SUMF1: variants seen among roughly 807,000 people sequenced by gnomAD.
SUMF1 encodes formylglycine-generating enzyme.
In SUMF1, 48 loss-of-function variants were observed where a neutral mutation model predicts 47.6. The observed-to-expected ratio is 1.01, with a 90% CI of 0.80 to 1.28. The LOEUF (loss-of-function observed/expected upper bound fraction) is 1.28. Ranked by LOEUF, SUMF1 falls within the 50% of genes most tolerant of loss-of-function variation. The pLI, the probability that SUMF1 is intolerant of heterozygous loss-of-function variation, is 0.00. For synonymous variants in SUMF1, 230 were observed against 192.1 expected, an observed-to-expected ratio of 1.20 and a Z score of -1.63; for missense variants, 571 against 485.4, an observed-to-expected ratio of 1.18 and a Z score of -1.66.
At position 4,277,583 on chromosome 3, in the gene SUMF1, C is replaced by G. The variant is rs147448797; in HGVS notation, c.1014+98747G>C. 3.4e-4 allele frequency among the ~76,000 whole-genome samples: 51 copies of G among 152,096 alleles called. No homozygotes were observed. The East Asian group carries it at 9.8e-3, about 29-fold the overall frequency. ...GCAAATTAGTGAGGGAAAATAGACA[C>G]AGTAGGACCTTGAATTAAACTCAAA... On this transcript the variant is annotated intron_variant and NMD_transcript_variant, in intron 8 of 12. Coordinates refer to the SUMF1 transcript ENST00000448413.
chr3:4,391,576 G>A (rs1700864805), intron 7 of SUMF1, among the ~76,000 whole-genome samples: 1 of 151,958 alleles, frequency 6.6e-6, no homozygotes, highest in African/African-American at 2.4e-5. Context: ...TTGACTTCGT[G>A]GGCCCAGGAG....
chr3:4,354,517 T>A (rs896437430), intron 8 of SUMF1, among the ~76,000 whole-genome samples: 8 of 152,186 alleles, frequency 5.3e-5, no homozygotes, highest in Non-Finnish European at 1.5e-5. Context: ...GATAACCAGG[T>A]CTCACTTTCC....
chr3:4,109,404 T>C (rs1051085771), intron 8 of SUMF1, among the ~76,000 whole-genome samples: 5 of 152,124 alleles, frequency 3.3e-5, no homozygotes, highest in African/African-American at 1.2e-4. Context: ...TTATGTGTCT[T>C]GGAGTTGCTC....
At chr3:4,401,006 A>C (rs1307686446) in intron 7 of SUMF1, among the ~76,000 whole-genome samples, 1 of 114,966 alleles carries the variant, frequency 8.7e-6, no homozygotes, top group African/African-American at 3.4e-5. Context: ...GATGTTCCTC[A>C]CCCGGTGTCC....
intron 8 of SUMF1, among the ~76,000 whole-genome samples, chr3:4,142,024 C>G (rs1219688258): frequency 6.6e-6 from 1 of 152,086 alleles, no homozygotes; most frequent in Non-Finnish European, 1.5e-5. Context: ...ATGTTTATAA[C>G]TGTGTGCATG....
chr3:4,348,635 C>T (rs9841538), intron 8 of SUMF1, among the ~76,000 whole-genome samples: 28,693 of 151,466 alleles, frequency 0.19, 2,850 homozygotes, highest in African/African-American at 0.26. Flanking sequence ...GAGGCTGAGG[C>T]GGGTTGACCA....
At chr3:4,071,885 A>C (rs1695535507) in intron 8 of SUMF1, among the ~76,000 whole-genome samples, 1 of 152,250 alleles carries the variant, frequency 6.6e-6, no homozygotes, top group Non-Finnish European at 1.5e-5. Context: ...AGACTTAAAC[A>C]TCCCTGCCTC....
chr3:4,302,889 A>G (rs1459193755), intron 8 of SUMF1, among the ~76,000 whole-genome samples: 1 of 152,176 alleles, frequency 6.6e-6, no homozygotes, highest in Non-Finnish European at 1.5e-5. Flanking sequence ...GGGAGTGAGC[A>G]TGCCCCCACA....
chr3:4,445,968 C>G lies in SUMF1; in HGVS notation c.519+3298G>C, dbSNP rs367558092. ...ATGAAATATTTAATCAAAAAATACT[C>G]TAATTGGTCACCTTTGAAGAACAGT... On this transcript the variant is annotated intron_variant, in intron 3 of 8. Transcript: ENST00000272902. Among the ~76,000 whole-genome samples the G allele has an allele frequency of 1.5e-3, 233 of 152,296 alleles. 1 individual carries two copies. Among genetic ancestry groups the G allele is most frequent in the African/African-American group, 5.4e-3 (224 of 41,560 alleles).
At position 4,213,028 on chromosome 3, in the gene SUMF1, C is replaced by T. The variant is rs933369447; in HGVS notation, c.1015-144283G>A. 2.2e-4 allele frequency among the ~76,000 whole-genome samples: 33 copies of T among 152,232 alleles called. 1 individual carries two copies. Among genetic ancestry groups the T allele is most frequent in the African/African-American group, 7.5e-4 (31 of 41,538 alleles). On this transcript the variant is annotated intron_variant and NMD_transcript_variant, in intron 8 of 12. Coordinates refer to the SUMF1 transcript ENST00000448413. ...GGAGAACTTCCCCAACCCAGCAAGA[C>T]AGGCCAACATTCAAATTCAGGAAAT... is the stretch of plus-strand genomic sequence containing the variant.
intron 8 of SUMF1, among the ~76,000 whole-genome samples, chr3:4,112,680 A>C (rs755395853): frequency 6.6e-5 from 10 of 152,122 alleles, no homozygotes; most frequent in Non-Finnish European, 1.2e-4. Context: ...TGAGGAAAGA[A>C]AGGGGCAAGG....
At chr3:4,306,207 T>C (rs1698183130) in intron 8 of SUMF1, among the ~76,000 whole-genome samples, 1 of 152,222 alleles carries the variant, frequency 6.6e-6, no homozygotes, top group African/African-American at 2.4e-5. Flanking sequence ...TATTTTTCTT[T>C]GCCATATCCA....
intron 8 of SUMF1, among the ~76,000 whole-genome samples, chr3:4,290,616 T>G (rs1208176347): frequency 1.3e-5 from 2 of 152,190 alleles, no homozygotes; most frequent in African/African-American, 2.4e-5. Flanking sequence ...TACCCGCTCC[T>G]CAAAATACAG....
intron 8 of SUMF1, among the ~76,000 whole-genome samples, chr3:4,374,685 ACT>A: frequency 6.6e-6 from 1 of 152,180 alleles, no homozygotes. Flanking sequence ...TTGAGATACT[ACT>A]GTACAAAGAG....
rs1303158593 is a variant in SUMF1, at chr3:4,185,801, A to G, written c.1015-117056T>C. 2.0e-5 allele frequency among the ~76,000 whole-genome samples: 3 copies of G among 152,328 alleles called. No homozygotes were observed. The East Asian group carries it at 5.8e-4, about 29-fold the overall frequency. On this transcript the variant is annotated intron_variant and NMD_transcript_variant, in intron 8 of 12. Transcript: ENST00000448413. ...CATGGGTAACTGCAGACACATGTGA[A>G]TTACTGGAATGATAGATAATACTGG...
chr3:4,286,000 T>A (rs58248445), intron 8 of SUMF1, among the ~76,000 whole-genome samples: 10,952 of 152,154 alleles, frequency 0.072, 931 homozygotes, highest in African/African-American at 0.2. Flanking sequence ...CTTGCAGAAA[T>A]ATCCACCTGT....
intron 8 of SUMF1, among the ~76,000 whole-genome samples, chr3:4,290,063 C>G (rs1697709890): frequency 1.3e-5 from 2 of 152,320 alleles, no homozygotes; most frequent in Middle Eastern, 3.4e-3. Context: ...GCCATTCAAT[C>G]TGGTGAATGA....
chr3:4,070,319 A>C lies in SUMF1; in HGVS notation c.1015-1574T>G, dbSNP rs529371553. 1.2e-4 allele frequency among the ~76,000 whole-genome samples: 18 copies of C among 152,274 alleles called. No individual in the cohort carries two copies. In the South Asian group the frequency reaches 3.1e-3, roughly 26 times the overall value. ...TGAAGGCTGTTTCACAGGCATGGTC[A>C]CTCAAATTTGGCTCAGAATCAATCT... On this transcript the variant is annotated intron_variant and NMD_transcript_variant, in intron 8 of 12. Transcript: ENST00000448413.
rs1248034525 is a variant in SUMF1 at position 4,254,224 on chromosome 3, A to T, written c.1014+122106T>A. ...AGAGCGCCTCTCCTCCTCCAAAGGAACACAGTTCCTCAACAGCAACGGAAC... is the reference window on the plus strand; with the variant it reads ...AGAGCGCCTCTCCTCCTCCAAAGGATCACAGTTCCTCAACAGCAACGGAAC... On this transcript the variant is annotated intron_variant and NMD_transcript_variant, in intron 8 of 12. Transcript: ENST00000448413. Among the ~76,000 whole-genome samples the T allele has an allele frequency of 2.0e-5, 3 of 152,206 alleles. No individual in the cohort carries two copies. In the East Asian group the frequency reaches 5.8e-4, roughly 29 times the overall value.
Sources: gnomAD v4.1 joint callset for allele counts (sites outside exome capture counted in the v4.1 genomes callset) on GRCh38, gnomAD v4.1.1 for gene constraint, MANE v1.5 for transcripts, NCBI Gene and HGNC (gene_info 2026-07-23, HGNC 2026-07-21) for gene names.